The following RASSF4 variants were observed in gnomAD, a reference collection of about 807,000 sequenced individuals.
RASSF4 encodes the protein Ras association domain family member 4.
In RASSF4, 38 loss-of-function variants were observed where a neutral mutation model predicts 41.1. The ratio of observed to expected loss-of-function variants is 0.92; its 90% CI spans 0.71 to 1.21. The LOEUF is 1.21. RASSF4 is among the 50% of genes most tolerant of loss of function. The probability of loss-of-function intolerance (pLI) is 0.00; values close to 1 mark genes in which losing one functional copy is unlikely to be tolerated. For missense variants in RASSF4, 414 were observed against 419.4 expected, an observed-to-expected ratio of 0.99 and a Z score of 0.11; for synonymous variants, 179 against 163.4, an observed-to-expected ratio of 1.10 and a Z score of -0.73.
At chr10:44,961,667 A>G (rs1840716375) in intron 1 of RASSF4, among the ~76,000 whole-genome samples, 1 of 152,256 alleles carries the variant, frequency 6.6e-6, no homozygotes, top group African/African-American at 2.4e-5. Context: ...CACAAGGCCC[A>G]TCTTACAGGT....
At chr10:44,990,875 T>G (rs188574737) in intron 8 of RASSF4, 73 bp from the exon 9 acceptor site, 423 of 1,518,108 alleles carry the variant, frequency 2.8e-4, no homozygotes, top group Admixed American at 7.9e-4. Flanking sequence ...ACATTTTCTA[T>G]CAGTTCCTAA....
chr10:44,984,039 A>G lies in RASSF4; in HGVS notation c.299A>G (p.Gln100Arg). The stretch of plus-strand genomic sequence containing the variant: ...GTTTTCAGAAAGGAGCCATCGCCCC[A>G]GAACGGGAACATCACAGCCCAGGGG... ...PSCPLKEPSP[Q>R]NGNITAQGPS... Residue 100 changes from glutamine (Q) to arginine (R), a missense_variant, in exon 5 of 11, where the codon CAG (glutamine) becomes CGG (arginine). Transcript: ENST00000340258. The G allele has an allele frequency of 6.2e-7, 1 of 1,602,966 alleles. No homozygotes were observed. Among genetic ancestry groups the G allele is most frequent in the South Asian group, 1.1e-5 (1 of 88,556 alleles).
Position 44,984,057 on chromosome 10 carries a change from C to T in RASSF4, c.317C>T (p.Ala106Val), listed in dbSNP as rs779537754. The T allele has an allele frequency of 1.2e-6, 2 of 1,606,846 alleles. No homozygotes were observed. Among genetic ancestry groups the T allele is most frequent in the Admixed American group, 1.7e-5 (1 of 59,122 alleles). ...EPSPQNGNIT[A>V]QGPSIQPVHK... Reference sequence around the variant, plus strand: ...TCGCCCCAGAACGGGAACATCACAGCCCAGGGGCCAAGCATTCAGCCAGTG... The same window carrying T: ...TCGCCCCAGAACGGGAACATCACAGTCCAGGGGCCAAGCATTCAGCCAGTG... Residue 106 changes from alanine (A) to valine (V), a missense_variant, in exon 5 of 11, where the codon GCC (alanine) becomes GTC (valine). Ala to Val is a moderately conservative substitution (Grantham distance 64, BLOSUM62 0). Transcript: ENST00000340258.
chr10:44,989,491 C>G, intron 7 of RASSF4, 116 bp downstream of exon 7: 1 of 940,026 alleles, frequency 1.1e-6, no homozygotes, highest in Non-Finnish European at 1.7e-6. Flanking sequence ...GAAGGTCTAG[C>G]AAGGGTCCCT....
chr10:44,965,478 C>T (rs191349485), intron 1 of RASSF4, among the ~76,000 whole-genome samples: 7 of 152,316 alleles, frequency 4.6e-5, no homozygotes, highest in Admixed American at 2.0e-4. Context: ...TTTAAGAATA[C>T]GTCAAAGAAA....
chr10:44,992,539 C>G (rs1355015037), intron 10 of RASSF4, among the ~76,000 whole-genome samples: 2 of 152,206 alleles, frequency 1.3e-5, no homozygotes, highest in African/African-American at 4.8e-5. Flanking sequence ...GGACACCACG[C>G]CAGGGTCCGG....
At chr10:44,960,577 A>G (rs902210023) in intron 1 of RASSF4, among the ~76,000 whole-genome samples, 3 of 152,054 alleles carry the variant, frequency 2.0e-5, no homozygotes, top group Non-Finnish European at 4.4e-5. Flanking sequence ...TGCACTTCCC[A>G]CTTCCAAAAC....
intron 3 of RASSF4, among the ~76,000 whole-genome samples, chr10:44,979,900 C>T (rs1212794442): frequency 2.0e-5 from 3 of 152,076 alleles, no homozygotes; most frequent in African/African-American, 7.2e-5. Context: ...CAAGGAGCAC[C>T]TGGGCAACAT....
At chr10:44,967,202 C>T (rs2132764178) in intron 1 of RASSF4, among the ~76,000 whole-genome samples, 1 of 152,278 alleles carries the variant, frequency 6.6e-6, no homozygotes, top group Middle Eastern at 3.4e-3. Context: ...GGCTGACCAT[C>T]GAGTAGCTGC....
chr10:44,984,496 C>A, intron 5 of RASSF4: 2 of 500,752 alleles, frequency 4.0e-6, no homozygotes, highest in East Asian at 3.3e-5. Flanking sequence ...TCCTTTAGCC[C>A]TCAGTGAAGG....
chr10:44,962,021 C>T lies in RASSF4; in HGVS notation c.-39+2155C>T, dbSNP rs139839493. Among the ~76,000 whole-genome samples, 203 of 152,258 alleles carry T rather than the reference C, an allele frequency of 1.3e-3. 1 individual carries two copies. In the East Asian group the frequency reaches 0.038, roughly 28 times the overall value. Reference sequence around the variant, plus strand: ...AGGATATACTGTTGAGGAAGAGGCCCGGAACCCCCTCCCTTTGCCCTGCCT... The same window carrying T: ...AGGATATACTGTTGAGGAAGAGGCCTGGAACCCCCTCCCTTTGCCCTGCCT... On this transcript the variant is annotated intron_variant, in intron 1 of 10. Coordinates refer to ENST00000340258, the MANE Select transcript of RASSF4 (RefSeq NM_032023.4).
At chr10:44,967,277 G>A (rs982201934) in intron 1 of RASSF4, among the ~76,000 whole-genome samples, 1 of 152,200 alleles carries the variant, frequency 6.6e-6, no homozygotes, top group Non-Finnish European at 1.5e-5. Flanking sequence ...GGAGGGTTGT[G>A]CACTGGCTCT....
chr10:44,987,797 T>A (rs2132800742), intron 6 of RASSF4, among the ~76,000 whole-genome samples: 1 of 152,266 alleles, frequency 6.6e-6, no homozygotes, highest in African/African-American at 2.4e-5. Flanking sequence ...GCATATTTTT[T>A]AGATGTAGTA....
At chr10:44,992,822 T>C (rs1842166678) in intron 10 of RASSF4, among the ~76,000 whole-genome samples, 1 of 152,120 alleles carries the variant, frequency 6.6e-6, no homozygotes, top group South Asian at 2.1e-4. Context: ...TCAGAGGGAA[T>C]CTTCCATTCT....
Position 44,983,991 on chromosome 10 carries a change from C to T in RASSF4, c.282-31C>T, listed in dbSNP as rs1279741944. 3 of 1,566,684 alleles carry T rather than the reference C, an allele frequency of 1.9e-6. No homozygotes were observed. The South Asian group carries it at 3.5e-5, about 18-fold the overall frequency. On this transcript the variant is annotated intron_variant, in intron 4 of 10. Transcript: ENST00000340258. ...CTGAGCTCCCTTTCTCTGCCGGCAG[C>T]CATCTCAGCCCTGCAGTTGTCTGTT...
rs1588834586 is a variant in RASSF4 at position 44,982,618 on chromosome 10, A to C, written c.236A>C (p.His79Pro). Residue 79 changes from histidine (H) to proline (P), a missense_variant, in exon 4 of 11, where the codon CAC (histidine) becomes CCC (proline). Transcript: ENST00000340258. ...ATGCAGGATGACCGGGAGCAGGTGC[A>C]CCTCCCCTCCACCTCATGGATGCCC... The part of the protein sequence containing the change: ...LQMQDDREQV[H>P]LPSTSWMPRR... 1 of 1,612,740 alleles carries C rather than the reference A, an allele frequency of 6.2e-7. No homozygotes were observed. Among genetic ancestry groups the C allele is most frequent in the African/African-American group, 1.3e-5 (1 of 74,878 alleles).
intron 1 of RASSF4, among the ~76,000 whole-genome samples, chr10:44,960,827 CGCTGGCTTT>C (rs2132756391): frequency 6.6e-6 from 1 of 152,366 alleles, no homozygotes; most frequent in East Asian, 1.9e-4. Context: ...AGGAGCCCCT[CGCTGGCTTT>C]GCTGTAGTTT....
intron 2 of RASSF4, chr10:44,971,346 C>G: frequency 2.6e-6 from 1 of 378,842 alleles, no homozygotes; most frequent in South Asian, 1.9e-5. Context: ...CAGGGTGGCC[C>G]GCAGCAGCCA....
intron 5 of RASSF4, 46 bp downstream of exon 5, chr10:44,984,159 T>C: frequency 6.6e-7 from 1 of 1,525,616 alleles, no homozygotes; most frequent in Non-Finnish European, 8.8e-7. Flanking sequence ...TCATCCGGGG[T>C]AGGAGCAGAG....
Sources: gnomAD v4.1 joint callset for allele counts (sites outside exome capture counted in the v4.1 genomes callset) on GRCh38, gnomAD v4.1.1 for gene constraint, MANE v1.5 for transcripts, NCBI Gene and HGNC (gene_info 2026-07-23, HGNC 2026-07-21) for gene names.